Variants in C3orf52 observed in about 807,000 individuals in gnomAD.
C3orf52 encodes chromosome 3 open reading frame 52, also known as TPA-induced transmembrane protein.
Under a neutral mutation model 24.8 loss-of-function variants are expected in C3orf52, and 22 were observed. That is an observed-to-expected ratio of 0.89 (90% CI 0.63 to 1.27). The LOEUF is 1.27. C3orf52 is among the 50% of genes most tolerant of loss of function. The probability of loss-of-function intolerance (pLI) is 0.00; values close to 1 mark genes in which losing one functional copy is unlikely to be tolerated. For synonymous variants in C3orf52, 93 were observed against 100.2 expected (o/e 0.93, Z 0.43); for missense variants, 265 against 260.7 (o/e 1.02, Z -0.11).
chr3:112,119,224 A>G (rs2074166557), downstream of C3orf52, among the ~76,000 whole-genome samples: 1 of 152,054 alleles, frequency 6.6e-6, no homozygotes, highest in Non-Finnish European at 1.5e-5. Flanking sequence ...CTCTACTAAA[A>G]ATTAGCCAGG....
At chr3:112,125,375 G>T in intron 4 of C3orf52, 1 of 706,010 alleles carries the variant, frequency 1.4e-6, no homozygotes, top group Non-Finnish European at 2.5e-6. Context: ...GCTCTTCTCA[G>T]GCTATTCTGA....
intron 4 of C3orf52, chr3:112,127,009 CTT>C (rs773316332): frequency 1.3e-6 from 2 of 1,589,990 alleles, no homozygotes; most frequent in South Asian, 1.1e-5. Context: ...AATCTTGCCT[CTT>C]TTCAAAAATG....
At chr3:112,090,336 C>T (rs951934707) in intron 1 of C3orf52, among the ~76,000 whole-genome samples, 3 of 149,544 alleles carry the variant, frequency 2.0e-5, no homozygotes, top group Non-Finnish European at 4.4e-5. Context: ...CTCCTGCCAC[C>T]CAGGCTGGAG....
At chr3:112,122,214 G>T (rs1441624099), downstream of C3orf52, 1 of 152,202 alleles carries the variant, frequency 6.6e-6, no homozygotes, top group East Asian at 1.9e-4. Context: ...TTTAGGGCAG[G>T]TGTCTGCAAA....
At chr3:112,105,975 C>G (rs559010115) in intron 3 of C3orf52, among the ~76,000 whole-genome samples, 1 of 152,258 alleles carries the variant, frequency 6.6e-6, no homozygotes, top group East Asian at 1.9e-4. Context: ...AGGGAAGCAT[C>G]ACATTTATGG....
chr3:112,103,227 A>G (rs530430574), intron 3 of C3orf52, among the ~76,000 whole-genome samples: 1 of 152,288 alleles, frequency 6.6e-6, no homozygotes, highest in South Asian at 2.1e-4. Flanking sequence ...GAGGGTGGGA[A>G]GAGGGAGAGG....
chr3:112,099,556 G>A (rs2073954157), intron 2 of C3orf52, among the ~76,000 whole-genome samples: 1 of 152,058 alleles, frequency 6.6e-6, no homozygotes, highest in African/African-American at 2.4e-5. Context: ...CTAATTCATT[G>A]ACCTGAACAA....
chr3:112,126,057 A>G (rs1353455986), intron 4 of C3orf52, among the ~76,000 whole-genome samples: 1 of 152,172 alleles, frequency 6.6e-6, no homozygotes, highest in African/African-American at 2.4e-5. Context: ...CATCTCCATA[A>G]GCTCCTATAG....
chr3:112,101,458 C>A (rs2073971267), intron 2 of C3orf52, among the ~76,000 whole-genome samples: 2 of 152,116 alleles, frequency 1.3e-5, no homozygotes, highest in South Asian at 4.1e-4. Context: ...GCCTACTATG[C>A]ACTAAAAATC....
intron 4 of C3orf52, chr3:112,128,098 G>T: frequency 6.3e-7 from 1 of 1,590,990 alleles, no homozygotes; most frequent in Non-Finnish European, 8.6e-7. Context: ...TCATAAGGTT[G>T]ATTTCTGCAG....
In C3orf52 at chr3:112,117,691, T is replaced by G. The variant is rs1259034018; in HGVS notation, c.*1045T>G. The G allele has an allele frequency of 6.6e-6, 1 of 152,194 alleles. No individual in the cohort carries two copies. The highest frequency in any genetic ancestry group is 1.5e-5 in the Non-Finnish European group (1 of 68,042). The allele number at this position is 152,194 out of a possible 1,614,324, so 9.4% of individuals were successfully genotyped here. ...AAGAAGAACCACTCTTCTTTGAAAA[T>G]AAACTCTTGGAAGCTTTTGCCAGCT... On this transcript the variant is annotated 3_prime_UTR_variant, in exon 6 of 6. Transcript: ENST00000264848.
chr3:112,096,876 T>C (rs1266461084), intron 2 of C3orf52, among the ~76,000 whole-genome samples: 2 of 152,236 alleles, frequency 1.3e-5, no homozygotes, highest in East Asian at 1.9e-4. Context: ...ACTCTTCCCT[T>C]GTATGCCATT....
At chr3:112,107,736 T>C (rs1403382416) in intron 3 of C3orf52, among the ~76,000 whole-genome samples, 1 of 152,216 alleles carries the variant, frequency 6.6e-6, no homozygotes, top group Non-Finnish European at 1.5e-5. Context: ...AGGGGAGATA[T>C]ATTAATGCCT....
In C3orf52 at chr3:112,125,300, T is replaced by A. The variant is rs193103077; in HGVS notation, c.*47-2933T>A. 1.8e-5 allele frequency: 24 copies of A among 1,368,680 alleles called. No homozygotes were observed. In the African/African-American group the frequency reaches 3.4e-4, roughly 20 times the overall value. 84.8% of individuals were successfully genotyped at this position (1,368,680 alleles called of 1,614,324 possible). On this transcript the variant is annotated intron_variant, in intron 4 of 4. Coordinates refer to the C3orf52 transcript ENST00000480282. ...CAATGAATTTCAGGTTATGGGGAGATTTGAAGGGAAGAGCAGGGGAGGCTA... is the reference window on the plus strand; with the variant it reads ...CAATGAATTTCAGGTTATGGGGAGAATTGAAGGGAAGAGCAGGGGAGGCTA...
At chr3:112,105,810 G>A (rs1576143907) in intron 3 of C3orf52, among the ~76,000 whole-genome samples, 1 of 138,988 alleles carries the variant, frequency 7.2e-6, no homozygotes, top group African/African-American at 2.7e-5. Flanking sequence ...GCAACAGAGC[G>A]AGACTTAGTC....
intron 4 of C3orf52, chr3:112,125,321 G>A: frequency 2.8e-6 from 3 of 1,089,702 alleles, no homozygotes; most frequent in Non-Finnish European, 4.3e-6. Flanking sequence ...GAGCAGGGGA[G>A]GCTAGAATAT....
chr3:112,118,290 T>A (rs2074157049), downstream of C3orf52: 1 of 152,204 alleles, frequency 6.6e-6, no homozygotes, highest in Non-Finnish European at 1.5e-5. Context: ...TTGAGCATAA[T>A]TTTTTTCATT....
downstream of C3orf52, chr3:112,132,748 G>A (rs2074487435): frequency 1.2e-5 from 8 of 691,440 alleles, no homozygotes; most frequent in South Asian, 6.4e-5. Context: ...ACCTCCTTGT[G>A]GAGCATGAGG....
At chr3:112,124,252 G>A (rs926913938) in intron 4 of C3orf52, among the ~76,000 whole-genome samples, 3 of 152,078 alleles carry the variant, frequency 2.0e-5, no homozygotes, top group African/African-American at 4.8e-5. Flanking sequence ...AACACAAGTG[G>A]ACTAAGACAC....
Sources: gnomAD v4.1 joint callset for allele counts (sites outside exome capture counted in the v4.1 genomes callset) on GRCh38, gnomAD v4.1.1 for gene constraint, MANE v1.5 for transcripts, NCBI Gene and HGNC (gene_info 2026-07-23, HGNC 2026-07-21) for gene names.